The following FLNC variants were observed in gnomAD, a reference collection of about 807,000 sequenced individuals.
FLNC encodes the protein filamin-C.
Under a neutral mutation model 254.3 loss-of-function variants are expected in FLNC, and 91 were observed. The observed-to-expected ratio is 0.36, with a 90% CI of 0.30 to 0.43. FLNC has a LOEUF of 0.43. FLNC is among the 20% of genes least tolerant of loss of function. The probability of loss-of-function intolerance (pLI) is 1.00; values close to 1 mark genes in which losing one functional copy is unlikely to be tolerated. For missense variants in FLNC, 2,853 were observed against 3,802.6 expected (o/e 0.75, Z 6.57); for synonymous variants, 1,430 against 1,577.2 (o/e 0.91, Z 2.21).
At chr7:128,832,919 AGT>A (rs1807950484) in intron 1 of FLNC, among the ~76,000 whole-genome samples, 2 of 152,236 alleles carry the variant, frequency 1.3e-5, no homozygotes, top group South Asian at 4.1e-4. Context: ...TACTCCATTT[AGT>A]GGTGGAAAGG....
In FLNC at chr7:128,858,488, G is replaced by A. The variant is rs370832402; in HGVS notation, c.8143G>A (p.Val2715Ile). 1.2e-6 allele frequency: 2 copies of A among 1,613,778 alleles called. No homozygotes were observed. The highest frequency in any genetic ancestry group is 1.7e-5 in the Admixed American group (1 of 60,004). Residue 2715 changes from valine (V) to isoleucine (I), a missense_variant, in exon 48 of 48, where the codon GTC becomes ATC. Around this residue, in one of 10 missense-constraint regions of FLNC, gnomAD observed 197 missense variants for 351.5 expected, o/e 0.56. Coordinates refer to ENST00000325888, the MANE Select transcript of FLNC (RefSeq NM_001458.5). This position sits in a 1 kb window ranked among gnomAD's most constrained non-coding sequence, Gnocchi z 6.7. ...CATTGTCAAGTGGGGTGACGAAAGT[G>A]TCCCTGGAAGCCCCTTCAAAGTCAA... ...ILIVKWGDES[V>I]PGSPFKVKVP
Position 128,838,011 on chromosome 7 carries a change from A to C in FLNC, c.994A>C (p.Lys332Gln), listed in dbSNP as rs1808169720. The C allele has an allele frequency of 6.2e-7, 1 of 1,614,044 alleles. No homozygotes were observed. Among genetic ancestry groups the C allele is most frequent in the South Asian group, 1.1e-5 (1 of 91,090 alleles). ...GGCTAAGGTGGTTCCCAACAATGAC[A>C]AGGATCGCACCTATGCTGTCTCCTA... ...EEAKVVPNND[K>Q]DRTYAVSYVP... Residue 332 changes from lysine (K) to glutamine (Q), a missense_variant, in exon 6 of 48, where the codon AAG becomes CAG. By Grantham distance (53) the Lys-to-Gln change is moderately conservative. Transcript: ENST00000325888.
rs780277309 is a variant in FLNC, at chr7:128,850,886, C to T, written c.5482C>T (p.Pro1828Ser). The stretch of plus-strand genomic sequence containing the variant: ...CGGCACCATCACGGTGAGGTATGCA[C>T]CCACTGAGAAAGGCCTGCACCAGAT... ...KDGTITVRYA[P>S]TEKGLHQMGI... Residue 1828 changes from proline (P) to serine (S), a missense_variant, in exon 33 of 48, where the codon CCC becomes TCC. By Grantham distance (74) the Pro-to-Ser change is moderately conservative. Transcript: ENST00000325888. 2 of 1,613,616 alleles carry T rather than the reference C, an allele frequency of 1.2e-6. No homozygotes were observed. Among genetic ancestry groups the T allele is most frequent in the Admixed American group, 1.7e-5 (1 of 59,958 alleles).
rs1807839759 is a variant in FLNC at position 128,830,503 on chromosome 7, C to T, written c.-135C>T. The T allele has an allele frequency of 2.7e-6, 2 of 753,798 alleles. No homozygotes were observed. The highest frequency in any genetic ancestry group is 4.3e-6 in the Non-Finnish European group (2 of 465,500). 46.7% of individuals were successfully genotyped at this position (753,798 alleles called of 1,614,324 possible). On this transcript the variant is annotated 5_prime_UTR_variant, in exon 1 of 48. Transcript: ENST00000325888. ...CCGAGCCTCGCCGAGCCCCGCCAGC[C>T]CCGGCGCGAGAGAAGTTGGAGAGGA...
chr7:128,847,790 T>G lies in FLNC; in HGVS notation c.4382T>G (p.Val1461Gly), dbSNP rs1808623822. 6.2e-7 allele frequency: 1 copy of G among 1,613,522 alleles called. No homozygotes were observed. The highest frequency in any genetic ancestry group is 1.3e-5 in the African/African-American group (1 of 74,882). Reference protein sequence around the residue: ...PGLGAGVRARVPQTFTVDCSQ... With the variant: ...PGLGAGVRARGPQTFTVDCSQ... ...CTGGGGGCTGGTGTCAGGGCCCGGG[T>G]TCCTCAGACCTTCACAGTGGATTGC... is the stretch of plus-strand genomic sequence containing the variant. The change falls in exon 25 of 48, where the codon GTT becomes GGT. Residue 1461 changes from valine to glycine, a missense_variant. Physicochemically the swap from Val to Gly is moderately radical, Grantham distance 109. Around this residue, in one of 10 missense-constraint regions of FLNC, gnomAD observed 1,573 missense variants for 1,883.5 expected, o/e 0.84. Coordinates refer to ENST00000325888, the MANE Select transcript of FLNC (RefSeq NM_001458.5).
chr7:128,849,664 C>T, intron 30 of FLNC, 86 bp downstream of exon 30: 2 of 1,531,904 alleles, frequency 1.3e-6, no homozygotes, highest in South Asian at 2.4e-5. Context: ...AGATAACTGT[C>T]CCCAAGGAAT....
intron 22 of FLNC, 50 bp from the exon 23 acceptor site, chr7:128,846,251 G>A: frequency 6.2e-7 from 1 of 1,612,564 alleles, no homozygotes; most frequent in Non-Finnish European, 8.5e-7. Context: ...GGCAGGAGGG[G>A]TGGTGGGGGC....
chr7:128,846,505 T>C, intron 23 of FLNC, 42 bp downstream of exon 23: 1 of 1,594,978 alleles, frequency 6.3e-7, no homozygotes, highest in South Asian at 1.1e-5. Context: ...GACCACCCTT[T>C]CCCAGCCCCT....
chr7:128,856,881 G>A lies in FLNC; in HGVS notation c.7521G>A (p.Leu2507=). The part of the protein sequence containing the change: ...GEQSQAGDPG[L]VSAYGPGLEG... ...AGAGCCAGGCTGGGGACCCAGGCTT[G>A]GTGTCAGCCTACGGTCCTGGGCTCG... Residue 2507 remains leucine, a synonymous_variant, in exon 45 of 48, where the codon TTG becomes TTA. Transcript: ENST00000325888. The surrounding 1 kb of genome is among the most constrained non-coding windows in gnomAD (Gnocchi z 5.9). The A allele has an allele frequency of 6.2e-7, 1 of 1,614,216 alleles. No individual in the cohort carries two copies. Among genetic ancestry groups the A allele is most frequent in the Non-Finnish European group, 8.5e-7 (1 of 1,180,040 alleles).
intron 42 of FLNC, 138 bp downstream of exon 42, chr7:128,855,050 C>G: frequency 9.3e-7 from 1 of 1,071,922 alleles, no homozygotes; most frequent in African/African-American, 1.5e-5. Flanking sequence ...TGCCCCGTCT[C>G]CCTCTACCCC....
chr7:128,853,339 G>T, intron 37 of FLNC, 130 bp from the exon 38 acceptor site: 2 of 1,194,596 alleles, frequency 1.7e-6, no homozygotes, highest in Non-Finnish European at 2.4e-6. Context: ...CTCCCACTGA[G>T]CCATTTTTGT....
intron 38 of FLNC, 37 bp downstream of exon 38, chr7:128,853,658 G>C (rs763431763): frequency 1.2e-6 from 2 of 1,613,840 alleles, no homozygotes; most frequent in Admixed American, 1.7e-5. Context: ...CGAGAGACAG[G>C]GAGGCCAGGA....
chr7:128,848,832 A>G lies in FLNC; in HGVS notation c.4777A>G (p.Asn1593Asp). 6.2e-7 allele frequency: 1 copy of G among 1,614,084 alleles called. No individual in the cohort carries two copies. Among genetic ancestry groups the G allele is most frequent in the Non-Finnish European group, 8.5e-7 (1 of 1,179,998 alleles). Residue 1593 changes from asparagine to aspartate, a missense_variant, in exon 28 of 48, where the codon AAT becomes GAT. By Grantham distance (23) the Asn-to-Asp change is conservative. This residue lies in a region of FLNC where 1,573 missense variants were observed against 1,883.5 expected (regional missense o/e 0.84). Transcript: ENST00000325888. ...GKPKKANIRD[N>D]GDGTYTVSYL... ...GCCCAAGAAGGCCAACATCCGGGAC[A>G]ATGGGGATGGCACGTACACTGTGTC...
chr7:128,858,638 C>G lies in FLNC; in HGVS notation c.*115C>G. The G allele has an allele frequency of 2.4e-6, 2 of 821,160 alleles. No individual in the cohort carries two copies. The allele number at this position is 821,160 out of a possible 1,614,324, so 50.9% of individuals were successfully genotyped here. ...CAGACACGCACAGAATCAGACACTA[C>G]AAACACCTGCCTTGGGGGTGAAGTG... is the stretch of plus-strand genomic sequence containing the variant. On this transcript the variant is annotated 3_prime_UTR_variant, in exon 48 of 48. Transcript: ENST00000325888. The surrounding 1 kb of genome is among the most constrained non-coding windows in gnomAD (Gnocchi z 6.7).
In FLNC at chr7:128,842,298, A is replaced by G. The variant is rs1177609933; in HGVS notation, c.2189A>G (p.Tyr730Cys). ...PNGDGTFRCS[Y>C]VPTKPIKHTI... ...GGCGACGGCACCTTCCGCTGCTCCTACGTGCCCACCAAGCCCATTAAGCAC... is the reference window on the plus strand; with the variant it reads ...GGCGACGGCACCTTCCGCTGCTCCTGCGTGCCCACCAAGCCCATTAAGCAC... Residue 730 changes from tyrosine (Y) to cysteine (C), a missense_variant, in exon 14 of 48, where the codon TAC (tyrosine) becomes TGC (cysteine). Tyr to Cys is a radical substitution (Grantham distance 194). Coordinates refer to ENST00000325888, the MANE Select transcript of FLNC (RefSeq NM_001458.5). The surrounding 1 kb of genome is among the most constrained non-coding windows in gnomAD (Gnocchi z 5.4). 3 of 1,613,698 alleles carry G rather than the reference A, an allele frequency of 1.9e-6. No homozygotes were observed. Among genetic ancestry groups the G allele is most frequent in the African/African-American group, 2.7e-5 (2 of 74,914 alleles).
rs540710772 is a variant in FLNC, at chr7:128,844,320, A to T, written c.3192+54A>T. 39 of 1,553,470 alleles carry T rather than the reference A, an allele frequency of 2.5e-5. No individual in the cohort carries two copies. The East Asian group carries it at 5.2e-4, about 21-fold the overall frequency. ...GGAGTTGGGGACTTGTTGGGAAGAT[A>T]GATGAGTCATAGGGGGCAGAGGCCA... On this transcript the variant is annotated intron_variant, in intron 20 of 47. Coordinates refer to ENST00000325888, the MANE Select transcript of FLNC (RefSeq NM_001458.5).
Position 128,842,673 on chromosome 7 carries a change from G to C in FLNC, c.2364G>C (p.Thr788=), listed in dbSNP as rs1020284790. 8 of 1,556,328 alleles carry C rather than the reference G, an allele frequency of 5.1e-6. No individual in the cohort carries two copies. The highest frequency in any genetic ancestry group is 2.0e-5 in the Admixed American group (1 of 51,276). The change falls in exon 15 of 48, where the codon ACG becomes ACC. Residue 788 remains threonine, a synonymous_variant. Coordinates refer to ENST00000325888, the MANE Select transcript of FLNC (RefSeq NM_001458.5). This position sits in a 1 kb window ranked among gnomAD's most constrained non-coding sequence, Gnocchi z 5.4. ...AGGCCAATGAGCCCACCTACTTCAC[G>C]GTGGACTGCAGCGAGGCGGGGCAAG... ...GLKANEPTYF[T]VDCSEAGQGD... is the part of the protein sequence containing the mutation.
Position 128,838,689 on chromosome 7 carries a change from G to A in FLNC, c.1297G>A (p.Asp433Asn). 1 of 1,613,056 alleles carries A rather than the reference G, an allele frequency of 6.2e-7. No homozygotes were observed. The highest frequency in any genetic ancestry group is 1.3e-5 in the African/African-American group (1 of 75,054). The change falls in exon 8 of 48, where the codon GAC (aspartate) becomes AAC (asparagine). Residue 433 changes from aspartate to asparagine, a missense_variant. Coordinates refer to ENST00000325888, the MANE Select transcript of FLNC (RefSeq NM_001458.5). ...GGAGGTGGCCCTGGAGGACAAGGGTGACAGCACGTTCCGCTGCACATACAG... is the reference window on the plus strand; with the variant it reads ...GGAGGTGGCCCTGGAGGACAAGGGTAACAGCACGTTCCGCTGCACATACAG... ...TVEVALEDKG[D>N]STFRCTYRPA...
chr7:128,842,278 C>T lies in FLNC; in HGVS notation c.2169C>T (p.Asp723=), dbSNP rs377553322. 3.5e-5 allele frequency: 57 copies of T among 1,613,760 alleles called. No homozygotes were observed. Among genetic ancestry groups the T allele is most frequent in the Middle Eastern group, 1.6e-4 (1 of 6,062 alleles). Residue 723 remains aspartate (D), a synonymous_variant, in exon 14 of 48, where the codon GAC becomes GAT. Coordinates refer to ENST00000325888, the MANE Select transcript of FLNC (RefSeq NM_001458.5). This position sits in a 1 kb window ranked among gnomAD's most constrained non-coding sequence, Gnocchi z 5.4. ...PIDIKVIPNG[D]GTFRCSYVPT... ...ACATCAAGGTGATCCCCAACGGCGA[C>T]GGCACCTTCCGCTGCTCCTACGTGC...
Sources: gnomAD v4.1 joint callset for allele counts (sites outside exome capture counted in the v4.1 genomes callset) on GRCh38, gnomAD v4.1.1 for gene constraint, gnomAD v4.1.1 regional missense constraint, Gnocchi (gnomAD v3.1) non-coding constraint, MANE v1.5 for transcripts, NCBI Gene and HGNC (gene_info 2026-07-23, HGNC 2026-07-21) for gene names.